The following SHANK2 variants were observed in gnomAD, a reference collection of about 807,000 sequenced individuals.
SHANK2 encodes the protein SH3 and multiple ankyrin repeat domains protein 2.
SHANK2 carries 43 observed loss-of-function variants against 133.7 expected under a neutral mutation model. That is an observed-to-expected ratio of 0.32 (90% confidence interval 0.25 to 0.41). The LOEUF is 0.41. SHANK2 is among the 10% of genes least tolerant of loss of function. The pLI, the probability that SHANK2 is intolerant of heterozygous loss-of-function variation, is 1.00. For synonymous variants in SHANK2, 1,017 were observed against 952.8 expected (o/e 1.07, Z -1.24); for missense variants, 1,994 against 2,235.8 (o/e 0.89, Z 2.18).
intron 11 of SHANK2, among the ~76,000 whole-genome samples, chr11:70,821,415 G>A (rs1236072078): frequency 1.3e-5 from 2 of 152,022 alleles, no homozygotes; most frequent in East Asian, 1.9e-4. Flanking sequence ...TAAATATCTG[G>A]TTGTTTTGTT....
intron 14 of SHANK2, among the ~76,000 whole-genome samples, chr11:70,760,424 G>A (rs782259894): frequency 5.3e-4 from 81 of 152,150 alleles, no homozygotes; most frequent in South Asian, 1.7e-3. Flanking sequence ...TGCTCCCCAC[G>A]TTTGTTCCTC....
chr11:70,766,108 G>A (rs969360468), intron 14 of SHANK2, among the ~76,000 whole-genome samples: 1 of 152,360 alleles, frequency 6.6e-6, no homozygotes, highest in East Asian at 1.9e-4. Context: ...TGGACAATGT[G>A]CATGTCCTTA....
chr11:70,599,905 G>A (rs184304406), intron 17 of SHANK2, among the ~76,000 whole-genome samples: 3,442 of 73,408 alleles, frequency 0.047, 158 homozygotes, highest in East Asian at 0.15. Flanking sequence ...AAGAAAGAAA[G>A]AGAAAGAAAG....
chr11:70,690,374 A>G (rs1025961311), intron 15 of SHANK2, among the ~76,000 whole-genome samples: 7 of 151,802 alleles, frequency 4.6e-5, no homozygotes, highest in Admixed American at 2.0e-4. Flanking sequence ...GATAGAGTGG[A>G]AAAAAAACTC....
chr11:71,076,643 G>A (rs1951224060), intron 8 of SHANK2, among the ~76,000 whole-genome samples: 1 of 151,986 alleles, frequency 6.6e-6, no homozygotes, highest in African/African-American at 2.4e-5. Context: ...TTTCCTTGCT[G>A]TCACCTGCCC....
intron 10 of SHANK2, chr11:70,952,754 G>C (rs537832704): frequency 1.8e-5 from 8 of 439,478 alleles, no homozygotes; most frequent in African/African-American, 1.3e-4. Flanking sequence ...GTGTGTCCGG[G>C]GGGGCCTGAG....
chr11:70,729,900 TAAAAAAAAA>T (rs549153711), intron 14 of SHANK2, among the ~76,000 whole-genome samples: 2 of 108,372 alleles, frequency 1.8e-5, no homozygotes, highest in Admixed American at 1.0e-4. Flanking sequence ...AAAGTGTTAC[TAAAAAAAAA>T]AAAAAAAAGC....
chr11:70,484,305 G>C (rs1555152426), intron 25 of SHANK2, among the ~76,000 whole-genome samples: 1 of 152,148 alleles, frequency 6.6e-6, no homozygotes, highest in African/African-American at 2.4e-5. Context: ...GATCATGGTG[G>C]GGGAGTTCTC....
chr11:70,934,106 C>T (rs7102984), intron 10 of SHANK2, among the ~76,000 whole-genome samples: 96,481 of 151,456 alleles, frequency 0.64, 35,149 homozygotes, highest in Non-Finnish European at 0.79. Flanking sequence ...GTGGCACATG[C>T]CTGTAGTCCC....
intron 10 of SHANK2, among the ~76,000 whole-genome samples, chr11:70,900,051 C>T (rs1950001997): frequency 6.6e-6 from 1 of 152,194 alleles, no homozygotes; most frequent in African/African-American, 2.4e-5. Context: ...CATGGCCAAT[C>T]AACCCTAAAA....
intron 11 of SHANK2, chr11:70,863,451 C>T (rs1332131388): frequency 4.4e-6 from 2 of 457,710 alleles, no homozygotes; most frequent in Non-Finnish European, 8.8e-6. Flanking sequence ...GAACTCCTGG[C>T]CACGGCTATG....
intron 2 of SHANK2, among the ~76,000 whole-genome samples, chr11:71,165,006 T>C (rs1953109983): frequency 1.3e-5 from 2 of 152,112 alleles, no homozygotes; most frequent in African/African-American, 4.8e-5. Flanking sequence ...AGCTGTCCTT[T>C]GCAATCCTTA....
At chr11:71,114,458 T>A (rs551640044) in intron 4 of SHANK2, among the ~76,000 whole-genome samples, 1 of 152,272 alleles carries the variant, frequency 6.6e-6, no homozygotes, top group East Asian at 1.9e-4. Context: ...GTCTCCTTTC[T>A]CCACCACGCC....
intron 17 of SHANK2, among the ~76,000 whole-genome samples, chr11:70,527,783 C>T (rs2059418741): frequency 6.6e-6 from 1 of 152,212 alleles, no homozygotes; most frequent in Non-Finnish European, 1.5e-5. Context: ...GACTCTCCTT[C>T]AGGAGGCTAG....
At chr11:70,703,281 A>G (rs982641325) in intron 14 of SHANK2, among the ~76,000 whole-genome samples, 55 of 152,264 alleles carry the variant, frequency 3.6e-4, no homozygotes, top group Non-Finnish European at 5.9e-5. Context: ...TCACCCAGCC[A>G]GGAAGTGGCA....
At chr11:70,902,211 C>T (rs1168672305) in intron 10 of SHANK2, among the ~76,000 whole-genome samples, 3 of 152,240 alleles carry the variant, frequency 2.0e-5, no homozygotes, top group Non-Finnish European at 4.4e-5. Flanking sequence ...AGACGCCTCA[C>T]TGGCATTCTA....
chr11:70,855,983 A>T (rs896709146), intron 11 of SHANK2, among the ~76,000 whole-genome samples: 2 of 152,106 alleles, frequency 1.3e-5, no homozygotes, highest in African/African-American at 4.8e-5. Context: ...AGATGAATAG[A>T]TGAATGGATA....
At chr11:71,111,123 C>T (rs1457061540) in intron 5 of SHANK2, among the ~76,000 whole-genome samples, 1 of 152,214 alleles carries the variant, frequency 6.6e-6, no homozygotes, top group Non-Finnish European at 1.5e-5. Flanking sequence ...TTATAAGTTA[C>T]CCAAGGTATT....
At chr11:70,738,587 A>G (rs1278576103) in intron 14 of SHANK2, among the ~76,000 whole-genome samples, 1 of 152,056 alleles carries the variant, frequency 6.6e-6, no homozygotes, top group Non-Finnish European at 1.5e-5. Flanking sequence ...TTAGGCCCAA[A>G]CTTATCCACT....
Sources: allele counts gnomAD v4.1 joint callset (sites outside exome capture counted in the v4.1 genomes callset), GRCh38; gene constraint gnomAD v4.1.1; transcripts MANE v1.5; gene names NCBI Gene and HGNC (gene_info 2026-07-23, HGNC 2026-07-21).